The following JDP2 variants were observed in gnomAD, a reference collection of about 807,000 sequenced individuals.
The protein encoded by JDP2 is Jun dimerization protein 2.
A neutral mutation model predicts 17.1 loss-of-function variants in JDP2; 9 were observed. That is an observed-to-expected ratio of 0.53 (90% CI 0.32 to 0.92). The LOEUF (loss-of-function observed/expected upper bound fraction) is 0.92, where lower values mean the gene tolerates loss of function less well. Among genes scored for constraint, JDP2 ranks in the 40% least tolerant of loss-of-function variants. The pLI is 0.04. For missense variants in JDP2, 179 were observed against 220.0 expected (o/e 0.81, Z 1.18); for synonymous variants, 107 against 95.6 (o/e 1.12, Z -0.69).
At chr14:75,432,396 C>T in intron 1 of JDP2, 1 of 1,485,866 alleles carries the variant, frequency 6.7e-7, no homozygotes, top group Non-Finnish European at 9.2e-7. Flanking sequence ...GGACTCCTGC[C>T]CTCCGCATCC....
At chr14:75,447,758 A>G (rs1346644857) in intron 2 of JDP2, among the ~76,000 whole-genome samples, 1 of 152,080 alleles carries the variant, frequency 6.6e-6, no homozygotes, top group East Asian at 1.9e-4. Context: ...CTGGGGTTCA[A>G]GTGATTCTCC....
chr14:75,438,764 A>G (rs562307254), intron 2 of JDP2, among the ~76,000 whole-genome samples: 127 of 152,294 alleles, frequency 8.3e-4, no homozygotes, highest in Middle Eastern at 3.4e-3. Context: ...ATTCCTCCTC[A>G]GGTCCCTTGC....
intron 2 of JDP2, among the ~76,000 whole-genome samples, chr14:75,460,152 G>A (rs755722377): frequency 2.3e-4 from 35 of 152,176 alleles, no homozygotes; most frequent in Non-Finnish European, 4.1e-4. Context: ...ACTTTGATTC[G>A]AAGTCTGTGC....
At chr14:75,457,814 C>T (rs1255298238) in intron 2 of JDP2, among the ~76,000 whole-genome samples, 1 of 152,262 alleles carries the variant, frequency 6.6e-6, no homozygotes, top group African/African-American at 2.4e-5. Flanking sequence ...AAGGCAGGCT[C>T]CCAGCTTTGC....
chr14:75,449,480 C>T (rs1323034138), intron 2 of JDP2, among the ~76,000 whole-genome samples: 7 of 152,228 alleles, frequency 4.6e-5, no homozygotes, highest in Admixed American at 4.6e-4. Flanking sequence ...GTATTATTAA[C>T]TCTTTGAGAA....
At chr14:75,445,677 C>T (rs1054500780) in intron 2 of JDP2, 13 of 772,580 alleles carry the variant, frequency 1.7e-5, no homozygotes, top group Admixed American at 6.3e-5. Context: ...CAAAATGGAT[C>T]GAAGGCCTAA....
intron 3 of JDP2, among the ~76,000 whole-genome samples, chr14:75,463,275 G>T (rs932713394): frequency 7.2e-5 from 11 of 152,216 alleles, no homozygotes; most frequent in African/African-American, 2.4e-4. Flanking sequence ...ATATTCCAGT[G>T]AGATAATATT....
chr14:75,442,593 T>C (rs1394369640), intron 2 of JDP2, among the ~76,000 whole-genome samples: 1 of 152,222 alleles, frequency 6.6e-6, no homozygotes, highest in Non-Finnish European at 1.5e-5. Flanking sequence ...TCTCCAGCCA[T>C]TGTTCATTAG....
chr14:75,457,658 G>T (rs1269171401), intron 2 of JDP2, among the ~76,000 whole-genome samples: 1 of 152,224 alleles, frequency 6.6e-6, no homozygotes, highest in Non-Finnish European at 1.5e-5. Context: ...GAAGCTGGTG[G>T]TGGCTGTGGA....
chr14:75,468,212 A>G (rs1471337240), intron 3 of JDP2, among the ~76,000 whole-genome samples: 1 of 152,162 alleles, frequency 6.6e-6, no homozygotes, highest in Non-Finnish European at 1.5e-5. Context: ...TGGACTAAAT[A>G]CTTGTGGGGC....
chr14:75,451,045 C>T (rs1240034878), intron 2 of JDP2, among the ~76,000 whole-genome samples: 2 of 152,156 alleles, frequency 1.3e-5, no homozygotes, highest in African/African-American at 4.8e-5. Context: ...TGGTATATGG[C>T]ACCTCAGTGT....
At chr14:75,460,473 C>G (rs776697937) in intron 2 of JDP2, among the ~76,000 whole-genome samples, 6 of 152,134 alleles carry the variant, frequency 3.9e-5, no homozygotes, top group Non-Finnish European at 8.8e-5. Context: ...GAGGAGAGGA[C>G]AAAGATAGTC....
chr14:75,454,851 G>T (rs554372755), intron 2 of JDP2, among the ~76,000 whole-genome samples: 3 of 152,122 alleles, frequency 2.0e-5, no homozygotes, highest in African/African-American at 7.2e-5. Flanking sequence ...GGTCAGAGAG[G>T]CAGGAGGAGC....
chr14:75,447,393 C>G (rs3784018), intron 2 of JDP2, among the ~76,000 whole-genome samples: 53,161 of 151,974 alleles, frequency 0.35, 10,116 homozygotes, highest in African/African-American at 0.5. Flanking sequence ...AGAGCTGACG[C>G]TCAGAAGATT....
intron 1 of JDP2, among the ~76,000 whole-genome samples, chr14:75,434,304 C>G (rs1184632351): frequency 6.6e-6 from 1 of 152,190 alleles, no homozygotes; most frequent in Admixed American, 6.5e-5. Context: ...TCTTCTATCC[C>G]CCACCCCCAG....
At chr14:75,466,131 A>G (rs1886560475) in intron 3 of JDP2, among the ~76,000 whole-genome samples, 1 of 152,224 alleles carries the variant, frequency 6.6e-6, no homozygotes, top group Non-Finnish European at 1.5e-5. Context: ...GGAAGGCAGT[A>G]AAACTAAAAG....
chr14:75,457,553 A>G (rs3784014), intron 2 of JDP2, among the ~76,000 whole-genome samples: 31,799 of 152,260 alleles, frequency 0.21, 5,870 homozygotes, highest in African/African-American at 0.5. Flanking sequence ...TGGGGAAGGT[A>G]TGAGGATGGG....
At chr14:75,434,927 A>T (rs1311192096) in intron 1 of JDP2, among the ~76,000 whole-genome samples, 4 of 152,176 alleles carry the variant, frequency 2.6e-5, no homozygotes, top group Non-Finnish European at 4.4e-5. Context: ...TTATTCACTT[A>T]GTTATTATTT....
intron 3 of JDP2, among the ~76,000 whole-genome samples, chr14:75,464,685 C>G (rs1566748772): frequency 6.6e-6 from 1 of 151,604 alleles, no homozygotes; most frequent in African/African-American, 2.4e-5. Flanking sequence ...ACCCTTGACC[C>G]CTGGACAACC....
Sources: gnomAD v4.1 joint callset for allele counts (sites outside exome capture counted in the v4.1 genomes callset) on GRCh38, gnomAD v4.1.1 for gene constraint, MANE v1.5 for transcripts, NCBI Gene and HGNC (gene_info 2026-07-23, HGNC 2026-07-21) for gene names.